IQSEC3: variants seen among roughly 807,000 people sequenced by gnomAD.
IQSEC3 encodes the protein IQ motif and Sec7 domain ArfGEF 3.
Under a neutral mutation model 105.4 loss-of-function variants are expected in IQSEC3, and 50 were observed. That is an observed-to-expected ratio of 0.47 (90% CI 0.38 to 0.60). The LOEUF (loss-of-function observed/expected upper bound fraction) is 0.60. Among genes scored for constraint, IQSEC3 ranks in the 20% least tolerant of loss-of-function variants. The probability of loss-of-function intolerance (pLI) is 0.00; values close to 1 mark genes in which losing one functional copy is unlikely to be tolerated. For missense variants in IQSEC3, 1,415 were observed against 1,630.0 expected (o/e 0.87, Z 2.27); for synonymous variants, 708 against 746.0 (o/e 0.95, Z 0.83).
At chr12:163,655 G>A in intron 9 of IQSEC3, 36 bp downstream of exon 9, 1 of 1,221,120 alleles carries the variant, frequency 8.2e-7, no homozygotes, top group Admixed American at 1.7e-5. Flanking sequence ...GGCTGGGCTG[G>A]GGCTGCCTCT....
At chr12:174,463 G>A (rs1380561480) in intron 13 of IQSEC3, 136 bp from the exon 14 acceptor site, 11 of 808,932 alleles carry the variant, frequency 1.4e-5, no homozygotes, top group Admixed American at 3.1e-5. Context: ...TCTTCTTGTG[G>A]GTGGAGAGAT....
chr12:107,907 C>T (rs187314939), intron 2 of IQSEC3, among the ~76,000 whole-genome samples: 204 of 152,234 alleles, frequency 1.3e-3, no homozygotes, highest in South Asian at 4.4e-3. Flanking sequence ...CTTATCATTT[C>T]GGTCCCATCA....
intron 3 of IQSEC3, among the ~76,000 whole-genome samples, chr12:129,398 G>A (rs758003368): frequency 1.1e-4 from 16 of 152,188 alleles, no homozygotes; most frequent in Non-Finnish European, 2.9e-5. Context: ...ATGAGCAAAC[G>A]AGGCCTACCC....
intron 13 of IQSEC3, among the ~76,000 whole-genome samples, 175 bp from the exon 14 acceptor site, chr12:174,424 C>T (rs911981719): frequency 1.3e-5 from 2 of 152,166 alleles, no homozygotes; most frequent in African/African-American, 2.4e-5. Flanking sequence ...CTCTCTCCCC[C>T]CTGGGCAAAA....
intron 1 of IQSEC3, among the ~76,000 whole-genome samples, chr12:83,279 CAG>C (rs1315165392): frequency 3.9e-5 from 6 of 152,142 alleles, no homozygotes; most frequent in Non-Finnish European, 5.9e-5. Context: ...TACGGCATGT[CAG>C]GGGCACAGGG....
chr12:127,284 G>A (rs529599116), intron 3 of IQSEC3, among the ~76,000 whole-genome samples: 1 of 152,308 alleles, frequency 6.6e-6, no homozygotes, highest in African/African-American at 2.4e-5. Flanking sequence ...ACTTTGGGAG[G>A]CCAAGGCGGG....
chr12:104,089 C>T (rs1864559299), intron 2 of IQSEC3, among the ~76,000 whole-genome samples: 1 of 152,076 alleles, frequency 6.6e-6, no homozygotes, highest in Non-Finnish European at 1.5e-5. Flanking sequence ...ATAGTGAACA[C>T]ATTATTTATT....
At chr12:171,072 A>T in intron 12 of IQSEC3, 40 bp from the exon 13 acceptor site, 2 of 1,612,146 alleles carry the variant, frequency 1.2e-6, no homozygotes, top group Non-Finnish European at 1.7e-6. Context: ...GGCTTGGCTC[A>T]GCCGGTGGAG....
At position 125,862 on chromosome 12, in the gene IQSEC3, G is replaced by A. The variant is rs376973065; in HGVS notation, c.853G>A (p.Ala285Thr). The change falls in exon 3 of 14, where the codon GCC becomes ACC. Residue 285 changes from alanine to threonine, a missense_variant. This residue lies in a region of IQSEC3 where 720 missense variants were observed against 633.0 expected (regional missense o/e 1.14). Coordinates refer to ENST00000538872, the MANE Select transcript of IQSEC3 (RefSeq NM_001170738.2). ...PALATALCPHAPAASDYELSL... is the reference protein window; with the variant it reads ...PALATALCPHTPAASDYELSL... ...CCTGGCGACGGCGCTGTGCCCCCACGCCCCTGCCGCCTCCGATTACGAACT... is the reference window on the plus strand; with the variant it reads ...CCTGGCGACGGCGCTGTGCCCCCACACCCCTGCCGCCTCCGATTACGAACT... 299 of 1,533,410 alleles carry A rather than the reference G, an allele frequency of 1.9e-4. 1 individual carries two copies. The highest frequency in any genetic ancestry group is 2.5e-4 in the Non-Finnish European group (284 of 1,146,392). The allele number at this position is 1,533,410 out of a possible 1,614,324, so 95.0% of individuals were successfully genotyped here.
chr12:90,715 A>G (rs1007074386), intron 1 of IQSEC3, among the ~76,000 whole-genome samples: 1 of 152,116 alleles, frequency 6.6e-6, no homozygotes, highest in Admixed American at 6.5e-5. Flanking sequence ...CATCTTAATT[A>G]TGGTAGCTTC....
intron 11 of IQSEC3, among the ~76,000 whole-genome samples, chr12:168,573 T>C (rs1313213082): frequency 6.6e-6 from 1 of 152,104 alleles, no homozygotes; most frequent in Non-Finnish European, 1.5e-5. Context: ...ACTTAAGGAG[T>C]ACAGGTCACT....
rs1865888843 is a variant in IQSEC3, at chr12:138,858, G to A, written c.1495G>A (p.Val499Ile). 1 of 1,612,268 alleles carries A rather than the reference G, an allele frequency of 6.2e-7. No individual in the cohort carries two copies. Among genetic ancestry groups the A allele is most frequent in the Non-Finnish European group, 8.5e-7 (1 of 1,179,370 alleles). The change falls in exon 4 of 14, where the codon GTC becomes ATC. Residue 499 changes from valine to isoleucine, a missense_variant. Around this residue, in one of 6 missense-constraint regions of IQSEC3, gnomAD observed 720 missense variants for 633.0 expected, o/e 1.14. Coordinates refer to ENST00000538872, the MANE Select transcript of IQSEC3 (RefSeq NM_001170738.2). The surrounding 1 kb of genome is among the most constrained non-coding windows in gnomAD (Gnocchi z 7.1). ...TVQIANQNIS[V>I]SSSTALSVAN... is the part of the protein sequence containing the mutation. ...GCAGATCGCCAACCAGAACATATCC[G>A]TCTCCTCCTCCACGGCTCTGTCGGT...
Position 66,803 on chromosome 12 carries a change from C to A in IQSEC3, c.-80C>A. On this transcript the variant is annotated 5_prime_UTR_variant, in exon 1 of 14. The change creates a new upstream start codon in the 5' untranslated region. Transcript: ENST00000538872. ...GTGGGAGAGGGAGGCGAGCCGACCG[C>A]TGGGCTGCTGGGCTCCCGCGCCCTC... 7.8e-7 allele frequency: 1 copy of A among 1,275,378 alleles called. No homozygotes were observed. Among genetic ancestry groups the A allele is most frequent in the Non-Finnish European group, 9.9e-7 (1 of 1,008,704 alleles). 79.0% of individuals were successfully genotyped at this position (1,275,378 alleles called of 1,614,324 possible). A position where few individuals can be genotyped will look rare whatever the true frequency, so the allele number is the denominator to read the frequency against.
chr12:136,147 A>G (rs1244294193), intron 3 of IQSEC3, among the ~76,000 whole-genome samples: 1 of 152,146 alleles, frequency 6.6e-6, no homozygotes, highest in Middle Eastern at 3.2e-3. Flanking sequence ...ACTTTGGGAG[A>G]AGCCATATAG....
At chr12:150,796 T>A (rs1866476584) in intron 5 of IQSEC3, among the ~76,000 whole-genome samples, 1 of 152,082 alleles carries the variant, frequency 6.6e-6, no homozygotes, top group Non-Finnish European at 1.5e-5. Context: ...AGAGGCAGTG[T>A]CTAGAGAGCA....
intron 5 of IQSEC3, among the ~76,000 whole-genome samples, chr12:151,764 G>T (rs1866519160): frequency 6.6e-6 from 1 of 152,006 alleles, no homozygotes; most frequent in South Asian, 2.1e-4. Context: ...CTGCAACCTT[G>T]CGGACCCTGC....
intron 2 of IQSEC3, among the ~76,000 whole-genome samples, chr12:103,008 C>T (rs1188296247): frequency 6.6e-6 from 1 of 152,114 alleles, no homozygotes; most frequent in African/African-American, 2.4e-5. Flanking sequence ...CTCCTCCCAG[C>T]AGCCAGCCAG....
In IQSEC3 at chr12:174,804, T is replaced by A. The variant is rs1939183095; in HGVS notation, c.3320T>A (p.Leu1107Gln). ...VKVIVLDKPCLARMEPLLSQA... is the reference protein window; with the variant it reads ...VKVIVLDKPCQARMEPLLSQA... ...GTCATTGTCCTGGACAAGCCCTGCC[T>A]GGCCCGCATGGAGCCCCTGCTGAGC... Residue 1107 changes from leucine (L) to glutamine (Q), a missense_variant, in exon 14 of 14, where the codon CTG becomes CAG. By Grantham distance (113) the Leu-to-Gln change is moderately radical. This residue lies in a region of IQSEC3 where 419 missense variants were observed against 436.2 expected (regional missense o/e 0.96). Coordinates refer to ENST00000538872, the MANE Select transcript of IQSEC3 (RefSeq NM_001170738.2). 6.3e-7 allele frequency: 1 copy of A among 1,584,740 alleles called. No homozygotes were observed. Among genetic ancestry groups the A allele is most frequent in the Non-Finnish European group, 8.5e-7 (1 of 1,174,026 alleles).
chr12:114,751 A>T (rs1429061531), intron 2 of IQSEC3, among the ~76,000 whole-genome samples: 4 of 152,176 alleles, frequency 2.6e-5, no homozygotes, highest in African/African-American at 9.7e-5. Context: ...TCCTGAGAGA[A>T]GATTGTTTAT....
Sources: gnomAD v4.1 joint callset for allele counts (sites outside exome capture counted in the v4.1 genomes callset) on GRCh38, gnomAD v4.1.1 for gene constraint, gnomAD v4.1.1 regional missense constraint, Gnocchi (gnomAD v3.1) non-coding constraint, MANE v1.5 for transcripts, NCBI Gene and HGNC (gene_info 2026-07-23, HGNC 2026-07-21) for gene names.